Variants in CEP250 observed in about 807,000 individuals in gnomAD.
CEP250 encodes centrosome-associated protein CEP250.
Under a neutral mutation model 315.7 loss-of-function variants are expected in CEP250, and 242 were observed. That is an observed-to-expected ratio of 0.77 (90% CI 0.69 to 0.85). CEP250 has a LOEUF of 0.85. Ranked by LOEUF, CEP250 falls within the 40% of genes least tolerant of loss-of-function variation. The pLI, the probability that CEP250 is intolerant of heterozygous loss-of-function variation, is 0.00. For synonymous variants in CEP250, 1,088 were observed against 1,175.0 expected, an observed-to-expected ratio of 0.93 and a Z score of 1.51; for missense variants, 2,515 against 2,886.4, an observed-to-expected ratio of 0.87 and a Z score of 2.95.
Position 35,498,697 on chromosome 20 carries a change from G to T in CEP250, c.3758G>T (p.Trp1253Leu). The T allele has an allele frequency of 6.3e-7, 1 of 1,592,738 alleles. No homozygotes were observed. The highest frequency in any genetic ancestry group is 8.5e-7 in the Non-Finnish European group (1 of 1,173,620). ...CTCCACAAGCTTCATCAAGACCTGT[G>T]GAAGACTCAACAGACCCGGGTATGT... Reference protein sequence around the residue: ...SALHKLHQDLWKTQQTRDVLR... With the variant: ...SALHKLHQDLLKTQQTRDVLR... Residue 1253 changes from tryptophan (W) to leucine (L), a missense_variant, in exon 27 of 35, where the codon TGG becomes TTG. Coordinates refer to ENST00000397527, the MANE Select transcript of CEP250 (RefSeq NM_007186.6).
upstream of CEP250, chr20:35,455,206 A>G (rs552773307): frequency 1.3e-5 from 2 of 152,440 alleles, no homozygotes; most frequent in African/African-American, 4.8e-5. Context: ...ATCGCGGAGC[A>G]ACTAGCCGGG....
rs779395997 is a variant in CEP250, at chr20:35,479,381, G to A, written c.2245G>A (p.Glu749Lys). Residue 749 changes from glutamate (E) to lysine (K), a missense_variant, in exon 18 of 35, where the codon GAG becomes AAG. Coordinates refer to ENST00000397527, the MANE Select transcript of CEP250 (RefSeq NM_007186.6). ...AALEVRLQAVERDRQDLAEQL... is the reference protein window; with the variant it reads ...AALEVRLQAVKRDRQDLAEQL... ...TCTAGAGGTGCGGCTGCAGGCCGTGGAGCGTGACCGGCAGGACCTCGCTGA... is the reference window on the plus strand; with the variant it reads ...TCTAGAGGTGCGGCTGCAGGCCGTGAAGCGTGACCGGCAGGACCTCGCTGA... 1.2e-6 allele frequency: 2 copies of A among 1,614,190 alleles called. No homozygotes were observed. Among genetic ancestry groups the A allele is most frequent in the South Asian group, 1.1e-5 (1 of 91,084 alleles).
At position 35,517,388 on chromosome 20, in the gene CEP250, C is replaced by G. The variant is rs923418157; in HGVS notation, c.*5762C>G. The G allele has an allele frequency of 5.3e-5, 8 of 152,166 alleles. No homozygotes were observed. The highest frequency in any genetic ancestry group is 1.0e-4 in the Non-Finnish European group (7 of 68,040). 9.4% of individuals were successfully genotyped at this position (152,166 alleles called of 1,614,324 possible). A position where few individuals can be genotyped will look rare whatever the true frequency, so the allele number is the denominator to read the frequency against. Reference sequence around the variant, plus strand: ...GTGCCAAAGCTGGCATGTTGTATATCTGAGAGAGGAGCTGCCTATTCACAG... The same window carrying G: ...GTGCCAAAGCTGGCATGTTGTATATGTGAGAGAGGAGCTGCCTATTCACAG... On this transcript the variant is annotated 3_prime_UTR_variant, in exon 35 of 35. Transcript: ENST00000397527.
rs2064064750 is a variant in CEP250 at position 35,503,102 on chromosome 20, A to T, written c.4733A>T (p.Glu1578Val). 4 of 1,614,080 alleles carry T rather than the reference A, an allele frequency of 2.5e-6. No individual in the cohort carries two copies. The highest frequency in any genetic ancestry group is 3.4e-6 in the Non-Finnish European group (4 of 1,180,040). The change falls in exon 30 of 35, where the codon GAG becomes GTG. Residue 1578 changes from glutamate (E) to valine (V), a missense_variant. By Grantham distance (121) the Glu-to-Val change is moderately radical. Coordinates refer to ENST00000397527, the MANE Select transcript of CEP250 (RefSeq NM_007186.6). The surrounding 1 kb of genome is among the most constrained non-coding windows in gnomAD (Gnocchi z 4.2). Reference sequence around the variant, plus strand: ...GAGTGCCAGCAAAAACTGATCAAGGAGCTGGAGGGCCAGAGGGAAACCCAG... The same window carrying T: ...GAGTGCCAGCAAAAACTGATCAAGGTGCTGGAGGGCCAGAGGGAAACCCAG... The part of the protein sequence containing the change: ...KMECQQKLIK[E>V]LEGQRETQRV...
chr20:35,481,673 G>A (rs1253525760), intron 20 of CEP250, among the ~76,000 whole-genome samples: 2 of 149,906 alleles, frequency 1.3e-5, no homozygotes, highest in East Asian at 1.9e-4. Context: ...GGGTCTGTTG[G>A]TAGTTAATTG....
chr20:35,468,620 G>C (rs367559324), intron 9 of CEP250, among the ~76,000 whole-genome samples: 2 of 152,104 alleles, frequency 1.3e-5, no homozygotes, highest in East Asian at 3.8e-4. Flanking sequence ...GTCTTCGTAA[G>C]TTTTTATTTC....
intron 30 of CEP250, among the ~76,000 whole-genome samples, chr20:35,505,762 G>T (rs989921574): frequency 6.6e-6 from 1 of 152,220 alleles, no homozygotes; most frequent in East Asian, 1.9e-4. Context: ...AACAAGTGTA[G>T]TATCTGTGTA....
intron 12 of CEP250, 62 bp downstream of exon 12, chr20:35,472,893 C>G (rs2063061087): frequency 6.5e-7 from 1 of 1,537,288 alleles, no homozygotes; most frequent in East Asian, 2.2e-5. Flanking sequence ...GTTTGTGCCT[C>G]AGGTACCTCC....
intron 26 of CEP250, among the ~76,000 whole-genome samples, chr20:35,498,337 G>T (rs1469126910): frequency 6.6e-6 from 1 of 152,218 alleles, no homozygotes; most frequent in Non-Finnish European, 1.5e-5. Context: ...AAGGAGTTAT[G>T]AGGTTGCAGA....
intron 33 of CEP250, among the ~76,000 whole-genome samples, 175 bp downstream of exon 33, chr20:35,509,219 G>C (rs1363092329): frequency 6.6e-6 from 1 of 152,172 alleles, no homozygotes; most frequent in East Asian, 1.9e-4. Context: ...CTGAGAAGGA[G>C]GCCCAACATT....
chr20:35,498,318 A>G (rs1234528062), intron 26 of CEP250, among the ~76,000 whole-genome samples: 1 of 152,244 alleles, frequency 6.6e-6, no homozygotes, highest in East Asian at 1.9e-4. Flanking sequence ...TTTACCTTAT[A>G]ATTTCACCAA....
At chr20:35,462,124 G>A (rs2062769960) in intron 3 of CEP250, 141 bp from the exon 4 acceptor site, 1 of 333,988 alleles carries the variant, frequency 3.0e-6, no homozygotes, top group Admixed American at 4.4e-5. Context: ...TTGTCTCATG[G>A]TCAGTTAAAT....
At chr20:35,497,031 G>C (rs910512962) in intron 25 of CEP250, among the ~76,000 whole-genome samples, 1 of 152,188 alleles carries the variant, frequency 6.6e-6, no homozygotes, top group Non-Finnish European at 1.5e-5. Flanking sequence ...TGGTTGGCAA[G>C]ATGTAGCAGG....
In CEP250 at chr20:35,501,788, A is replaced by G. The variant is rs535535630; in HGVS notation, c.3899-57A>G. 7.8e-6 allele frequency: 12 copies of G among 1,530,508 alleles called. No individual in the cohort carries two copies. The African/African-American group carries it at 1.2e-4, about 16-fold the overall frequency. 94.8% of individuals were successfully genotyped at this position (1,530,508 alleles called of 1,614,324 possible). A position where few individuals can be genotyped will look rare whatever the true frequency, so the allele number is the denominator to read the frequency against. ...TCCATCTGCCTCTATATCCCTCTAT[A>G]TCCCAAACATGGGTCTTACTCCACT... On this transcript the variant is annotated intron_variant, in intron 28 of 34. Coordinates refer to ENST00000397527, the MANE Select transcript of CEP250 (RefSeq NM_007186.6).
chr20:35,467,179 G>GGGGGCCCCCCCCCC, intron 8 of CEP250, 107 bp downstream of exon 8: 1 of 534,906 alleles, frequency 1.9e-6, no homozygotes, highest in Non-Finnish European at 3.5e-6. Context: ...GGTGGGTGGG[G>GGGGGCCCCCCCCCC]GAGTTGGTAG....
chr20:35,500,656 C>T (rs2063977478), intron 28 of CEP250, among the ~76,000 whole-genome samples: 1 of 152,248 alleles, frequency 6.6e-6, no homozygotes, highest in Admixed American at 6.5e-5. Context: ...AGTGATCCGC[C>T]TGCCTCGACC....
At chr20:35,484,918 A>G (rs1202272529) in intron 20 of CEP250, among the ~76,000 whole-genome samples, 1 of 152,170 alleles carries the variant, frequency 6.6e-6, no homozygotes, top group African/African-American at 2.4e-5. Flanking sequence ...TAATTTTCGC[A>G]TGTCACAAAA....
intron 20 of CEP250, among the ~76,000 whole-genome samples, chr20:35,484,860 G>A (rs901777943): frequency 2.6e-5 from 4 of 152,102 alleles, no homozygotes; most frequent in African/African-American, 7.2e-5. Context: ...GAGCATGACT[G>A]TGCTCAGATA....
intron 14 of CEP250, among the ~76,000 whole-genome samples, chr20:35,475,271 G>A (rs953213013): frequency 6.6e-6 from 1 of 152,106 alleles, no homozygotes. Flanking sequence ...ATGCAAATAC[G>A]GGCATATATT....
Sources: allele counts gnomAD v4.1 joint callset (sites outside exome capture counted in the v4.1 genomes callset), GRCh38; gene constraint gnomAD v4.1.1; non-coding constraint Gnocchi (gnomAD v3.1); transcripts MANE v1.5; gene names NCBI Gene and HGNC (gene_info 2026-07-23, HGNC 2026-07-21).